LPIN2: variants seen among roughly 807,000 people sequenced by gnomAD.
LPIN2 encodes the protein phosphatidate phosphatase LPIN2.
A neutral mutation model predicts 111.4 loss-of-function variants in LPIN2; 55 were observed. That is an observed-to-expected ratio of 0.49 (90% confidence interval 0.40 to 0.62). The LOEUF is 0.62. LPIN2 is among the 20% of genes least tolerant of loss of function. The probability of loss-of-function intolerance (pLI) is 0.00; values close to 1 mark genes in which losing one functional copy is unlikely to be tolerated. For missense variants in LPIN2, 992 were observed against 1,112.1 expected, an observed-to-expected ratio of 0.89 and a Z score of 1.54; for synonymous variants, 425 against 414.0, an observed-to-expected ratio of 1.03 and a Z score of -0.32.
chr18:2,936,683 G>A (rs1029372666), intron 7 of LPIN2, among the ~76,000 whole-genome samples: 1 of 152,142 alleles, frequency 6.6e-6, no homozygotes. Context: ...GGGCTCAAGC[G>A]ATCTTCCCAC....
Position 2,939,344 on chromosome 18 carries a change from C to CT in LPIN2, c.822+135dup. ...ACAAAAAATGTTAACTTTGAATTTACTTTTATGACATGAGGGCACTATCAT... is the reference window on the plus strand; with the variant it reads ...ACAAAAAATGTTAACTTTGAATTTACTTTTTATGACATGAGGGCACTATCAT... On this transcript the variant is annotated intron_variant, in intron 6 of 19. Coordinates refer to ENST00000677752, the MANE Select transcript of LPIN2 (RefSeq NM_001375808.2). The CT allele has an allele frequency of 7.7e-6, 8 of 1,038,440 alleles. No homozygotes were observed. In the South Asian group the frequency reaches 1.0e-4, roughly 14 times the overall value. 64.3% of individuals were successfully genotyped at this position (1,038,440 alleles called of 1,614,324 possible).
intron 12 of LPIN2, 38 bp downstream of exon 12, chr18:2,927,684 T>G (rs2077154682): frequency 1.2e-6 from 2 of 1,601,798 alleles, no homozygotes; most frequent in African/African-American, 2.7e-5. Context: ...GATTCATTTC[T>G]TTCAGCCCAC....
chr18:2,938,417 G>A (rs779683456), intron 6 of LPIN2, among the ~76,000 whole-genome samples: 7 of 152,086 alleles, frequency 4.6e-5, no homozygotes, highest in South Asian at 2.1e-4. Context: ...TCAGCTACTC[G>A]GGAGGCTGAG....
At chr18:3,010,513 A>C (rs2078585386) in intron 1 of LPIN2, among the ~76,000 whole-genome samples, 1 of 152,182 alleles carries the variant, frequency 6.6e-6, no homozygotes. Flanking sequence ...TATTGGAGAG[A>C]GAAAAACAGG....
At chr18:2,994,919 G>A (rs933147162) in intron 1 of LPIN2, among the ~76,000 whole-genome samples, 2 of 152,152 alleles carry the variant, frequency 1.3e-5, no homozygotes, top group African/African-American at 4.8e-5. Flanking sequence ...CATGTTAGGG[G>A]TGGGCCGGCA....
intron 7 of LPIN2, among the ~76,000 whole-genome samples, chr18:2,936,073 C>T (rs1409537498): frequency 2.6e-5 from 4 of 152,184 alleles, no homozygotes; most frequent in Admixed American, 2.0e-4. Context: ...AGCCACCATT[C>T]GCTAGATGGT....
chr18:2,958,897 A>G (rs1174245731), intron 2 of LPIN2, among the ~76,000 whole-genome samples: 1 of 152,088 alleles, frequency 6.6e-6, no homozygotes, highest in East Asian at 1.9e-4. Context: ...AAGGCCAGAC[A>G]CTGATCCAAT....
intron 1 of LPIN2, among the ~76,000 whole-genome samples, chr18:2,964,700 A>T (rs886686523): frequency 6.6e-6 from 1 of 152,228 alleles, no homozygotes; most frequent in Non-Finnish European, 1.5e-5. Context: ...CTTCTTAAAC[A>T]TCGCATGCTA....
intron 1 of LPIN2, among the ~76,000 whole-genome samples, chr18:2,986,736 C>G (rs2078192605): frequency 6.6e-6 from 1 of 152,100 alleles, no homozygotes; most frequent in Non-Finnish European, 1.5e-5. Context: ...AAGCTTTTAC[C>G]CACTATTTGG....
At chr18:2,924,848 T>C (rs952925955) in intron 14 of LPIN2, among the ~76,000 whole-genome samples, 1 of 152,228 alleles carries the variant, frequency 6.6e-6, no homozygotes, top group Non-Finnish European at 1.5e-5. Context: ...CAGCAAGACC[T>C]TTTCATACCG....
intron 9 of LPIN2, among the ~76,000 whole-genome samples, chr18:2,929,680 C>T (rs1283284819): frequency 1.3e-5 from 2 of 152,134 alleles, no homozygotes; most frequent in Admixed American, 6.6e-5. Flanking sequence ...CCGATGTGGG[C>T]CGATCACTTG....
chr18:2,928,765 G>A (rs1207230632), intron 10 of LPIN2, 105 bp from the exon 11 acceptor site: 3 of 872,836 alleles, frequency 3.4e-6, no homozygotes, highest in East Asian at 2.6e-5. Flanking sequence ...ATATAAAATT[G>A]CTTATTCTTT....
In LPIN2 at chr18:2,945,770, T is replaced by C. The variant is rs1160637823; in HGVS notation, c.591-5058A>G. The C allele has an allele frequency of 4.0e-6, 5 of 1,239,850 alleles. No homozygotes were observed. In the Admixed American group the frequency reaches 6.7e-5, roughly 17 times the overall value. The allele number at this position is 1,239,850 out of a possible 1,614,324, so 76.8% of individuals were successfully genotyped here. On this transcript the variant is annotated intron_variant, in intron 4 of 19. Transcript: ENST00000677752. Reference sequence around the variant, plus strand: ...GCGCATCTAACAATGTGCTATTTGCTTCTACTCGACTAAGTTCTGGAAGTG... The same window carrying C: ...GCGCATCTAACAATGTGCTATTTGCCTCTACTCGACTAAGTTCTGGAAGTG...
chr18:2,931,132 C>T, intron 9 of LPIN2, 124 bp downstream of exon 9: 1 of 1,137,690 alleles, frequency 8.8e-7, no homozygotes, highest in East Asian at 2.6e-5. Context: ...ACAGAACATA[C>T]CTGTTACCTG....
In LPIN2 at chr18:2,951,211, G is replaced by T. The variant is rs1296446486; in HGVS notation, c.434C>A (p.Thr145Lys). The T allele has an allele frequency of 6.2e-7, 1 of 1,614,030 alleles. No individual in the cohort carries two copies. Among genetic ancestry groups the T allele is most frequent in the Middle Eastern group, 1.6e-4 (1 of 6,062 alleles). The change falls in exon 4 of 20, where the codon ACA becomes AAA. Residue 145 changes from threonine (T) to lysine (K), a missense_variant. By Grantham distance (78) the Thr-to-Lys change is moderately conservative. Around this residue, in one of 4 missense-constraint regions of LPIN2, gnomAD observed 709 missense variants for 753.2 expected, o/e 0.94. Transcript: ENST00000677752. ...TTTCACAGAACTTGGAGTAAAAATT[G>T]TCTCTGTTTCCAAGACGTGTGAGAT... ...SDISHVLETE[T>K]IFTPSSVKKK...
intron 7 of LPIN2, among the ~76,000 whole-genome samples, chr18:2,936,615 C>G (rs895388734): frequency 3.9e-5 from 6 of 152,210 alleles, no homozygotes; most frequent in Middle Eastern, 3.2e-3. Context: ...GGGTCTCACT[C>G]TATCACCCAG....
intron 2 of LPIN2, among the ~76,000 whole-genome samples, chr18:2,956,357 C>T (rs1368667327): frequency 8.7e-6 from 1 of 115,562 alleles, no homozygotes; most frequent in African/African-American, 3.9e-5. Flanking sequence ...CACGTGCACA[C>T]ATCCACCCAT....
At chr18:2,999,213 T>A (rs1166638027) in intron 1 of LPIN2, among the ~76,000 whole-genome samples, 1 of 152,136 alleles carries the variant, frequency 6.6e-6, no homozygotes, top group Non-Finnish European at 1.5e-5. Flanking sequence ...TGTGACCTTA[T>A]TTGGAAAGGG....
chr18:2,929,310 G>GC, intron 9 of LPIN2, 152 bp from the exon 10 acceptor site: 2 of 621,024 alleles, frequency 3.2e-6, no homozygotes, highest in Non-Finnish European at 5.7e-6. Context: ...AATGTCAGAC[G>GC]CTTTTTTTCC....
Sources: allele counts gnomAD v4.1 joint callset (sites outside exome capture counted in the v4.1 genomes callset), GRCh38; gene constraint gnomAD v4.1.1; regional missense constraint gnomAD v4.1.1; transcripts MANE v1.5; gene names NCBI Gene and HGNC (gene_info 2026-07-23, HGNC 2026-07-21).